IDE: variants seen among roughly 807,000 people sequenced by gnomAD.
IDE encodes insulin-degrading enzyme.
IDE carries 58 observed loss-of-function variants against 133.2 expected under a neutral mutation model. That is an observed-to-expected ratio of 0.44 (90% CI 0.35 to 0.54). IDE has a LOEUF of 0.54. Among genes scored for constraint, IDE ranks in the 20% least tolerant of loss-of-function variants. The pLI is 0.00. For missense variants in IDE, 981 were observed against 1,234.0 expected (o/e 0.79, Z 3.07); for synonymous variants, 396 against 421.3 (o/e 0.94, Z 0.73).
intron 1 of IDE, among the ~76,000 whole-genome samples, chr10:92,552,266 CTA>C (rs1335184151): frequency 6.6e-6 from 1 of 152,046 alleles, no homozygotes; most frequent in Admixed American, 6.6e-5. Context: ...AATTATGAAA[CTA>C]TGTGTACACT....
chr10:92,524,128 A>G (rs1044907833), intron 4 of IDE, among the ~76,000 whole-genome samples: 1 of 127,698 alleles, frequency 7.8e-6, no homozygotes, highest in African/African-American at 2.9e-5. Flanking sequence ...ACTAAATTCA[A>G]TAACATATTA....
chr10:92,559,607 AG>A (rs1177750478), intron 1 of IDE, among the ~76,000 whole-genome samples: 1 of 152,226 alleles, frequency 6.6e-6, no homozygotes, highest in East Asian at 1.9e-4. Context: ...CCATGGGCTC[AG>A]GGAAGAGTGG....
chr10:92,474,366 T>C (rs575097057), intron 17 of IDE: 1 of 152,654 alleles, frequency 6.6e-6, no homozygotes, highest in South Asian at 2.1e-4. Flanking sequence ...ACCCAGCCCT[T>C]CTGCAGAAAT....
chr10:92,490,444 C>A, intron 12 of IDE, 49 bp downstream of exon 12: 1 of 1,165,762 alleles, frequency 8.6e-7, no homozygotes, highest in Non-Finnish European at 1.3e-6. Context: ...GAGCAATGTT[C>A]TTGTGATTCC....
chr10:92,461,289 T>G (rs780368441), intron 21 of IDE, 37 bp from the exon 22 acceptor site: 5 of 1,034,228 alleles, frequency 4.8e-6, no homozygotes, highest in Non-Finnish European at 7.6e-6. Flanking sequence ...ACTAACATTT[T>G]CATATGAAGC....
At chr10:92,562,867 T>C (rs1006887976) in intron 1 of IDE, among the ~76,000 whole-genome samples, 1 of 152,234 alleles carries the variant, frequency 6.6e-6, no homozygotes, top group South Asian at 2.1e-4. Context: ...AGGCTGGGTG[T>C]GGTGGCTCAC....
At chr10:92,503,442 A>G (rs575576148) in intron 11 of IDE, among the ~76,000 whole-genome samples, 1 of 152,284 alleles carries the variant, frequency 6.6e-6, no homozygotes, top group South Asian at 2.1e-4. Flanking sequence ...AAAAAATAGA[A>G]TATTTAGCTG....
chr10:92,482,719 A>G (rs1393498000), intron 14 of IDE, among the ~76,000 whole-genome samples: 1 of 151,848 alleles, frequency 6.6e-6, no homozygotes, highest in Admixed American at 6.6e-5. Flanking sequence ...GCTAAAGGGC[A>G]TACTCATTAA....
At chr10:92,503,255 C>G (rs1299198236) in intron 11 of IDE, among the ~76,000 whole-genome samples, 3 of 151,988 alleles carry the variant, frequency 2.0e-5, no homozygotes, top group African/African-American at 7.3e-5. Context: ...ACAGTGAGAC[C>G]CTATCTCTAT....
intron 12 of IDE, among the ~76,000 whole-genome samples, chr10:92,489,913 A>C (rs984269257): frequency 6.6e-6 from 1 of 152,260 alleles, no homozygotes; most frequent in East Asian, 1.9e-4. Flanking sequence ...AATGAGAACC[A>C]AAAGAGAAAG....
At chr10:92,573,577 G>T (rs1208472729) in intron 1 of IDE, among the ~76,000 whole-genome samples, 1 of 152,196 alleles carries the variant, frequency 6.6e-6, no homozygotes, top group South Asian at 2.1e-4. Context: ...GACTCCGGGA[G>T]AGTGACGCGG....
intron 21 of IDE, 27 bp downstream of exon 21, chr10:92,463,704 A>G (rs1845516954): frequency 6.3e-7 from 1 of 1,597,948 alleles, no homozygotes; most frequent in Non-Finnish European, 8.6e-7. Context: ...GAATGCCATA[A>G]ATGTTGGAGC....
At chr10:92,521,847 T>C (rs1209385496) in intron 4 of IDE, among the ~76,000 whole-genome samples, 1 of 152,126 alleles carries the variant, frequency 6.6e-6, no homozygotes, top group African/African-American at 2.4e-5. Flanking sequence ...ATGGTAACAA[T>C]AATGGTATTT....
Position 92,545,170 on chromosome 10 carries a change from C to G in IDE, c.99-7620G>C, listed in dbSNP as rs182147524. On this transcript the variant is annotated intron_variant, in intron 1 of 24. Coordinates refer to ENST00000265986, the MANE Select transcript of IDE (RefSeq NM_004969.4). ...TAGTTTACATTACAATTAATGTAAA[C>G]AATCTCCCGCCCTCCCCCACCAACA... is the stretch of plus-strand genomic sequence containing the variant. Among the ~76,000 whole-genome samples, 436 of 152,172 alleles carry G rather than the reference C, an allele frequency of 2.9e-3. 3 individuals are homozygous for G. The highest frequency in any genetic ancestry group is 9.6e-3 in the African/African-American group (399 of 41,534).
At chr10:92,566,438 C>CACAA (rs1843555526) in intron 1 of IDE, among the ~76,000 whole-genome samples, 1 of 151,392 alleles carries the variant, frequency 6.6e-6, no homozygotes, top group Non-Finnish European at 1.5e-5. Flanking sequence ...CACACACACA[C>CACAA]AACATAGGCA....
rs374765950 is a variant in IDE at position 92,514,964 on chromosome 10, G to T, written c.740C>A (p.Ala247Asp). ...AGCCATTAAGTTGGATGAATAGTAA[G>T]CAGAATGGAATTTCAGTAGCTCTTG... is the stretch of plus-strand genomic sequence containing the variant. ...VRQELLKFHS[A>D]YYSSNLMAVC... The change falls in exon 5 of 25, where the codon GCT becomes GAT. Residue 247 changes from alanine to aspartate, a missense_variant. Coordinates refer to ENST00000265986, the MANE Select transcript of IDE (RefSeq NM_004969.4). 18 of 1,612,564 alleles carry T rather than the reference G, an allele frequency of 1.1e-5. No homozygotes were observed. Among genetic ancestry groups the T allele is most frequent in the Non-Finnish European group, 1.5e-5 (18 of 1,178,808 alleles).
intron 11 of IDE, among the ~76,000 whole-genome samples, chr10:92,503,211 T>TCA (rs1848119736): frequency 2.0e-5 from 3 of 152,138 alleles, no homozygotes; most frequent in Admixed American, 2.0e-4. Flanking sequence ...GCCGGACTGC[T>TCA]TGAGGCCAGG....
At chr10:92,462,743 C>T (rs1263952948) in intron 21 of IDE, among the ~76,000 whole-genome samples, 2 of 152,206 alleles carry the variant, frequency 1.3e-5, no homozygotes, top group Admixed American at 1.3e-4. Flanking sequence ...TTTTCTAAGC[C>T]TCAGTTTCCT....
chr10:92,555,198 T>C (rs538655044), intron 1 of IDE, among the ~76,000 whole-genome samples: 5 of 152,196 alleles, frequency 3.3e-5, no homozygotes, highest in African/African-American at 9.6e-5. Context: ...TGTGATGATA[T>C]AGAAAATCAC....
Sources: allele counts gnomAD v4.1 joint callset (sites outside exome capture counted in the v4.1 genomes callset), GRCh38; gene constraint gnomAD v4.1.1; transcripts MANE v1.5; gene names NCBI Gene and HGNC (gene_info 2026-07-23, HGNC 2026-07-21).